The following SRRM1 variants were observed in gnomAD, a reference collection of about 807,000 sequenced individuals.
The protein encoded by SRRM1 is serine and arginine repetitive matrix 1, also known as serine/arginine repetitive matrix protein 1.
SRRM1 carries 19 observed loss-of-function variants against 110.2 expected under a neutral mutation model. The observed-to-expected ratio is 0.17, with a 90% confidence interval of 0.12 to 0.25. The LOEUF is 0.25. Among genes scored for constraint, SRRM1 ranks in the 10% least tolerant of loss-of-function variants. The probability of loss-of-function intolerance (pLI) is 1.00; values close to 1 mark genes in which losing one functional copy is unlikely to be tolerated. For missense variants in SRRM1, 918 were observed against 1,145.8 expected (o/e 0.80, Z 2.87); for synonymous variants, 443 against 414.9 (o/e 1.07, Z -0.82).
At chr1:24,659,992 G>A (rs571025313) in intron 9 of SRRM1, among the ~76,000 whole-genome samples, 5 of 152,228 alleles carry the variant, frequency 3.3e-5, no homozygotes, top group African/African-American at 1.2e-4. Context: ...CTGTGCTATT[G>A]TGAAGATTAT....
Position 24,646,872 on chromosome 1 carries a change from G to T in SRRM1, c.234+83G>T, listed in dbSNP as rs957226214. The T allele has an allele frequency of 2.6e-6, 3 of 1,132,626 alleles. No homozygotes were observed. The African/African-American group carries it at 4.9e-5, about 18-fold the overall frequency. 70.2% of individuals were successfully genotyped at this position (1,132,626 alleles called of 1,614,324 possible). A position where few individuals can be genotyped will look rare whatever the true frequency, so the allele number is the denominator to read the frequency against. On this transcript the variant is annotated intron_variant, in intron 3 of 16. Transcript: ENST00000323848. ...GGAAACTGAATTTTTTCTATGGAGTGCAAATATAGAAGGGTTATTTTACAA... is the reference window on the plus strand; with the variant it reads ...GGAAACTGAATTTTTTCTATGGAGTTCAAATATAGAAGGGTTATTTTACAA...
chr1:24,666,153 G>C (rs1669884604), intron 12 of SRRM1, among the ~76,000 whole-genome samples: 1 of 152,172 alleles, frequency 6.6e-6, no homozygotes, highest in Non-Finnish European at 1.5e-5. Flanking sequence ...GTTCTAATGT[G>C]CATCCCCAAT....
intron 3 of SRRM1, chr1:24,648,417 A>T (rs1333705721): frequency 6.5e-6 from 1 of 153,444 alleles, no homozygotes; most frequent in African/African-American, 2.4e-5. Context: ...TAGATATTTT[A>T]TGCAAAGCTA....
intron 8 of SRRM1, among the ~76,000 whole-genome samples, 185 bp downstream of exon 8, chr1:24,653,217 G>T (rs1662041231): frequency 6.6e-6 from 1 of 152,182 alleles, no homozygotes; most frequent in African/African-American, 2.4e-5. Context: ...AAAGTGTCTA[G>T]TCTGGTGTTG....
chr1:24,646,592 G>A (rs1657784545), intron 2 of SRRM1, 75 bp from the exon 3 acceptor site: 9 of 1,324,744 alleles, frequency 6.8e-6, no homozygotes, highest in South Asian at 1.5e-5. Flanking sequence ...AGGAACTTTG[G>A]TAGACAGAAC....
chr1:24,661,479 A>AT (rs1230607581), intron 11 of SRRM1, 83 bp downstream of exon 11: 3 of 975,840 alleles, frequency 3.1e-6, no homozygotes, highest in Non-Finnish European at 4.7e-6. Flanking sequence ...TGTGTGCAGC[A>AT]TGAGTACTTA....
chr1:24,653,354 A>C (rs1266398756), intron 8 of SRRM1, among the ~76,000 whole-genome samples: 1 of 152,206 alleles, frequency 6.6e-6, no homozygotes, highest in Non-Finnish European at 1.5e-5. Context: ...CTGGCTTCTG[A>C]AAAGTAGCTG....
Position 24,669,307 on chromosome 1 carries a change from A to C in SRRM1, c.1924A>C (p.Lys642Gln), listed in dbSNP as rs1432141098. ...KRRVSHSPPP[K>Q]QRSSPVTKRR... ...GCGGGTCTCCCATTCTCCACCTCCC[A>C]AACAAAGAAGCTCCCCAGTCACCAA... Residue 642 changes from lysine (K) to glutamine (Q), a missense_variant, in exon 14 of 17, where the codon AAA becomes CAA. Around this residue, in one of 5 missense-constraint regions of SRRM1, gnomAD observed 357 missense variants for 402.9 expected, o/e 0.89. Coordinates refer to ENST00000323848, the MANE Select transcript of SRRM1 (RefSeq NM_005839.4). The C allele has an allele frequency of 6.2e-7, 1 of 1,613,906 alleles. No homozygotes were observed. Among genetic ancestry groups the C allele is most frequent in the Non-Finnish European group, 8.5e-7 (1 of 1,180,012 alleles).
At chr1:24,652,074 A>G (rs929031814) in intron 6 of SRRM1, among the ~76,000 whole-genome samples, 26 of 141,058 alleles carry the variant, frequency 1.8e-4, no homozygotes, top group African/African-American at 5.7e-4. Context: ...GTACACACAC[A>G]CACACAAATT....
chr1:24,652,060 A>G (rs918960452), intron 6 of SRRM1, among the ~76,000 whole-genome samples: 2 of 135,186 alleles, frequency 1.5e-5, no homozygotes, highest in Non-Finnish European at 3.1e-5. Context: ...ATATATATAT[A>G]TATGTACACA....
chr1:24,667,113 C>G (rs1335709486), intron 13 of SRRM1, among the ~76,000 whole-genome samples, 188 bp downstream of exon 13: 2 of 152,116 alleles, frequency 1.3e-5, no homozygotes, highest in Non-Finnish European at 2.9e-5. Context: ...ATGATTATAT[C>G]TTATTAGAGT....
intron 6 of SRRM1, among the ~76,000 whole-genome samples, chr1:24,651,817 A>G (rs1341613453): frequency 6.6e-6 from 1 of 151,544 alleles, no homozygotes; most frequent in Non-Finnish European, 1.5e-5. Context: ...TTTTGGTTGT[A>G]TTGTTTCAGG....
intron 8 of SRRM1, among the ~76,000 whole-genome samples, chr1:24,654,599 A>G (rs888440085): frequency 6.6e-6 from 1 of 152,200 alleles, no homozygotes; most frequent in African/African-American, 2.4e-5. Context: ...ATTCAACCTG[A>G]CAAGTTTTAT....
rs1364449979 is a variant in SRRM1 at position 24,666,892 on chromosome 1, G to A, written c.1706G>A (p.Arg569Gln). 5.6e-6 allele frequency: 9 copies of A among 1,610,912 alleles called. No individual in the cohort carries two copies. The highest frequency in any genetic ancestry group is 3.4e-5 in the Admixed American group (2 of 59,000). Reference sequence around the variant, plus strand: ...CCTTCTCCCGCCCCTCCTCCTCGACGGCGCAGGACTCCCACACCACCACCA... The same window carrying A: ...CCTTCTCCCGCCCCTCCTCCTCGACAGCGCAGGACTCCCACACCACCACCA... ...RSPSPAPPPR[R>Q]RRTPTPPPRR... is the part of the protein sequence containing the mutation. Residue 569 changes from arginine (R) to glutamine (Q), a missense_variant, in exon 13 of 17, where the codon CGG (arginine) becomes CAG (glutamine). Physicochemically the swap from Arg to Gln is conservative, Grantham distance 43 (BLOSUM62 1). Transcript: ENST00000323848.
intron 8 of SRRM1, 30 bp from the exon 9 acceptor site, chr1:24,654,825 A>G (rs1004061501): frequency 5.6e-6 from 9 of 1,612,210 alleles, no homozygotes; most frequent in Admixed American, 3.3e-5. Flanking sequence ...TAAGTGTGCA[A>G]TTAGTGAATA....
Position 24,656,431 on chromosome 1 carries a change from A to C in SRRM1, c.1315+1302A>C, listed in dbSNP as rs181559988. ...TTGTTGGCCCCTTAGAGAAGCAGCT[A>C]GTGAAAGTAGAGAAGCCTGTAACTG... On this transcript the variant is annotated intron_variant, in intron 9 of 16. Transcript: ENST00000323848. Among the ~76,000 whole-genome samples, 280 of 152,334 alleles carry C rather than the reference A, an allele frequency of 1.8e-3. 1 individual carries two copies. Among genetic ancestry groups the C allele is most frequent in the African/African-American group, 5.7e-3 (237 of 41,574 alleles).
chr1:24,652,033 T>C (rs1376303069), intron 6 of SRRM1, among the ~76,000 whole-genome samples: 2 of 98,956 alleles, frequency 2.0e-5, no homozygotes, highest in South Asian at 6.5e-4. Flanking sequence ...ACTAAAAATA[T>C]ATATATATAT....
At position 24,669,449 on chromosome 1, in the gene SRRM1, G is replaced by A. The variant is rs1444613454; in HGVS notation, c.2066G>A (p.Arg689Gln). The change falls in exon 14 of 17, where the codon CGA (arginine) becomes CAA (glutamine). Residue 689 changes from arginine (R) to glutamine (Q), a missense_variant. Physicochemically the swap from Arg to Gln is conservative, Grantham distance 43. This residue lies in a region of SRRM1 where 357 missense variants were observed against 402.9 expected (regional missense o/e 0.89). Coordinates refer to ENST00000323848, the MANE Select transcript of SRRM1 (RefSeq NM_005839.4). ...NKRHSPSPRPRAPQTSSSPPP... is the reference protein window; with the variant it reads ...NKRHSPSPRPQAPQTSSSPPP... ...CGGCATTCGCCCTCACCACGGCCTCGAGCTCCTCAGACCTCCTCAAGTCCT... is the reference window on the plus strand; with the variant it reads ...CGGCATTCGCCCTCACCACGGCCTCAAGCTCCTCAGACCTCCTCAAGTCCT... 15 of 1,613,890 alleles carry A rather than the reference G, an allele frequency of 9.3e-6. No individual in the cohort carries two copies. The highest frequency in any genetic ancestry group is 2.2e-5 in the South Asian group (2 of 91,066).
At chr1:24,658,849 C>G (rs1384568519) in intron 9 of SRRM1, among the ~76,000 whole-genome samples, 2 of 152,068 alleles carry the variant, frequency 1.3e-5, no homozygotes, top group Non-Finnish European at 2.9e-5. Flanking sequence ...GAGTGATAGC[C>G]ATTCTTTACC....
Sources: allele counts gnomAD v4.1 joint callset (sites outside exome capture counted in the v4.1 genomes callset), GRCh38; gene constraint gnomAD v4.1.1; regional missense constraint gnomAD v4.1.1; transcripts MANE v1.5; gene names NCBI Gene and HGNC (gene_info 2026-07-23, HGNC 2026-07-21).